Variants in WAPL observed in about 807,000 individuals in gnomAD.
WAPL encodes WAPL cohesin release factor, also known as wings apart-like protein homolog.
In WAPL, 5 loss-of-function variants were observed where a neutral mutation model predicts 121.0. The observed-to-expected ratio is 0.04, with a 90% CI of 0.02 to 0.09. The LOEUF (loss-of-function observed/expected upper bound fraction) is 0.09, where lower values mean the gene tolerates loss of function less well. WAPL is among the 10% of genes least tolerant of loss of function. WAPL has a pLI of 1.00. For synonymous variants in WAPL, 480 were observed against 481.5 expected (o/e 1.00, Z 0.04); for missense variants, 999 against 1,410.8 (o/e 0.71, Z 4.68).
chr10:86,477,716 G>A (rs577745994), intron 4 of WAPL, among the ~76,000 whole-genome samples: 17 of 152,158 alleles, frequency 1.1e-4, no homozygotes, highest in African/African-American at 3.6e-4. Context: ...CAGGAGAATC[G>A]CTTGAACCCA....
chr10:86,439,959 A>T (rs141912927), intron 17 of WAPL, among the ~76,000 whole-genome samples: 2 of 152,380 alleles, frequency 1.3e-5, no homozygotes, highest in African/African-American at 4.8e-5. Context: ...CTTACACATT[A>T]GGTAAACCAA....
chr10:86,486,928 C>G (rs1841941365), intron 4 of WAPL, among the ~76,000 whole-genome samples: 1 of 151,970 alleles, frequency 6.6e-6, no homozygotes, highest in African/African-American at 2.4e-5. Flanking sequence ...TGCACTCCAG[C>G]CTGAGCAACT....
intron 2 of WAPL, among the ~76,000 whole-genome samples, chr10:86,508,932 T>C (rs1842404628): frequency 6.6e-6 from 1 of 151,982 alleles, no homozygotes; most frequent in Non-Finnish European, 1.5e-5. Flanking sequence ...ATTTTTTGTA[T>C]TTTTAGTAGA....
At chr10:86,509,596 C>T (rs1842416189) in intron 2 of WAPL, among the ~76,000 whole-genome samples, 1 of 152,172 alleles carries the variant, frequency 6.6e-6, no homozygotes, top group Non-Finnish European at 1.5e-5. Context: ...CCATCTTGTT[C>T]ATGGACACTA....
chr10:86,467,647 A>G, intron 8 of WAPL, 141 bp from the exon 9 acceptor site: 2 of 652,774 alleles, frequency 3.1e-6, no homozygotes, highest in South Asian at 5.8e-5. Flanking sequence ...AAACTTCAAA[A>G]ACGTTTTATT....
intron 15 of WAPL, 110 bp downstream of exon 15, chr10:86,451,857 G>A: frequency 8.2e-7 from 1 of 1,215,392 alleles, no homozygotes; most frequent in Non-Finnish European, 1.1e-6. Flanking sequence ...GGGCAGAGAG[G>A]GCCAGCAGTG....
At chr10:86,503,041 C>T (rs974377349) in intron 2 of WAPL, among the ~76,000 whole-genome samples, 7 of 152,132 alleles carry the variant, frequency 4.6e-5, no homozygotes, top group Non-Finnish European at 8.8e-5. Context: ...GCCTGTAGTC[C>T]CAGCTACTCA....
chr10:86,477,290 G>A (rs138996035), intron 4 of WAPL, among the ~76,000 whole-genome samples: 126 of 152,304 alleles, frequency 8.3e-4, no homozygotes, highest in African/African-American at 3.0e-3. Flanking sequence ...AGTGAACTGT[G>A]TATGTAAAGC....
At chr10:86,469,263 T>TA (rs1841477924) in intron 8 of WAPL, among the ~76,000 whole-genome samples, 1 of 500 alleles carries the variant, frequency 2.0e-3, no homozygotes, top group Non-Finnish European at 8.1e-3. Context: ...TTTTTTTTTT[T>TA]TTTTTTTGAG....
chr10:86,456,219 TTCTA>T (rs1841143186), intron 12 of WAPL, among the ~76,000 whole-genome samples: 6 of 152,302 alleles, frequency 3.9e-5, no homozygotes, highest in African/African-American at 1.4e-4. Context: ...TGTTCAAGCA[TTCTA>T]TCTTTCTATA....
intron 8 of WAPL, among the ~76,000 whole-genome samples, chr10:86,469,249 T>TAAATCA (rs1431794434): frequency 0.023 from 2,269 of 100,838 alleles, 1,005 homozygotes; most frequent in African/African-American, 0.053. Flanking sequence ...AATAATTTTT[T>TAAATCA]TTTTTTTTTT....
intron 4 of WAPL, among the ~76,000 whole-genome samples, chr10:86,475,868 C>T (rs748585989): frequency 1.3e-5 from 2 of 152,152 alleles, no homozygotes; most frequent in Non-Finnish European, 2.9e-5. Context: ...AAAGCTCAAG[C>T]ATTTTACTTC....
rs140717814 is a variant in WAPL at position 86,517,784 on chromosome 10, A to G, written c.286T>C (p.Ser96Pro). The change falls in exon 2 of 19, where the codon TCT (serine) becomes CCT (proline). Residue 96 changes from serine (S) to proline (P), a missense_variant. Transcript: ENST00000298767. ...GCAGCTTCACTAGATTCTGAATAAG[A>G]GGAACACTTAACCTGGGCTAAATTC... is the stretch of plus-strand genomic sequence containing the variant. ...SKNLAQVKCS[S>P]YSESSEAAQL... The G allele has an allele frequency of 6.8e-6, 11 of 1,614,108 alleles. No homozygotes were observed. In the African/African-American group the frequency reaches 1.3e-4, roughly 20 times the overall value.
rs938979714 is a variant in WAPL at position 86,467,152 on chromosome 10, A to C, written c.2370+127T>G. ...AATTATGCTCAGATCTAAACATAAG[A>C]AATTTGCCAAACTGTAAACCAAGGT... On this transcript the variant is annotated intron_variant, in intron 9 of 18. Transcript: ENST00000298767. 3 of 802,114 alleles carry C rather than the reference A, an allele frequency of 3.7e-6. No individual in the cohort carries two copies. The African/African-American group carries it at 5.2e-5, about 14-fold the overall frequency. 49.7% of individuals were successfully genotyped at this position (802,114 alleles called of 1,614,324 possible). A position where few individuals can be genotyped will look rare whatever the true frequency, so the allele number is the denominator to read the frequency against.
At position 86,460,505 on chromosome 10, in the gene WAPL, A is replaced by C. The variant is rs1010864875; in HGVS notation, c.2483-9T>G. 2.4e-5 allele frequency: 39 copies of C among 1,606,258 alleles called. No individual in the cohort carries two copies. The highest frequency in any genetic ancestry group is 3.3e-5 in the Non-Finnish European group (39 of 1,174,944). On this transcript the variant is annotated splice_polypyrimidine_tract_variant and intron_variant, in intron 10 of 18. Coordinates refer to ENST00000298767, the MANE Select transcript of WAPL (RefSeq NM_015045.5). Reference sequence around the variant, plus strand: ...ATCCACACATTCTTTTACTAGGTGAAAAGAAACAAACGTAAGTTAGTATTT... The same window carrying C: ...ATCCACACATTCTTTTACTAGGTGACAAGAAACAAACGTAAGTTAGTATTT...
At chr10:86,482,377 TTGTATGTGAA>T (rs1841809651) in intron 4 of WAPL, among the ~76,000 whole-genome samples, 1 of 152,200 alleles carries the variant, frequency 6.6e-6, no homozygotes, top group Non-Finnish European at 1.5e-5. Context: ...GAAGGTATAT[TTGTATGTGAA>T]TGTATGTGAA....
chr10:86,507,938 T>A (rs1012111673), intron 2 of WAPL, among the ~76,000 whole-genome samples: 1 of 152,138 alleles, frequency 6.6e-6, no homozygotes, highest in Non-Finnish European at 1.5e-5. Flanking sequence ...TGCTTCTCTA[T>A]CTCTTCATTC....
intron 4 of WAPL, among the ~76,000 whole-genome samples, chr10:86,481,663 G>A (rs1168034049): frequency 3.3e-5 from 5 of 151,990 alleles, no homozygotes; most frequent in African/African-American, 4.8e-5. Context: ...GTGAACCACC[G>A]CGCCGGGCTG....
At position 86,437,339 on chromosome 10, in the gene WAPL, T is replaced by C. The variant is rs2132159759; in HGVS notation, c.*204A>G. 1.9e-6 allele frequency: 1 copy of C among 531,148 alleles called. No homozygotes were observed. The highest frequency in any genetic ancestry group is 2.7e-5 in the South Asian group (1 of 37,124). 32.9% of individuals were successfully genotyped at this position (531,148 alleles called of 1,614,324 possible). ...AGCCTGAACCTTTTCCCCTCATTTTTGATAGTTGCAGATTGATGTAGTAAC... is the reference window on the plus strand; with the variant it reads ...AGCCTGAACCTTTTCCCCTCATTTTCGATAGTTGCAGATTGATGTAGTAAC... On this transcript the variant is annotated 3_prime_UTR_variant, in exon 19 of 19. Coordinates refer to ENST00000298767, the MANE Select transcript of WAPL (RefSeq NM_015045.5).
Sources: gnomAD v4.1 joint callset for allele counts (sites outside exome capture counted in the v4.1 genomes callset) on GRCh38, gnomAD v4.1.1 for gene constraint, MANE v1.5 for transcripts, NCBI Gene and HGNC (gene_info 2026-07-23, HGNC 2026-07-21) for gene names.